Variants in BLK observed in about 807,000 individuals in gnomAD.
BLK encodes tyrosine-protein kinase Blk.
A neutral mutation model predicts 61.8 loss-of-function variants in BLK; 64 were observed. The observed-to-expected ratio is 1.03, with a 90% CI of 0.85 to 1.27. The LOEUF (loss-of-function observed/expected upper bound fraction) is 1.27. Ranked by LOEUF, BLK falls within the 50% of genes most tolerant of loss-of-function variation. The probability of loss-of-function intolerance (pLI) is 0.00; values close to 1 mark genes in which losing one functional copy is unlikely to be tolerated. For synonymous variants in BLK, 351 were observed against 272.0 expected (o/e 1.29, Z -2.86); for missense variants, 853 against 660.5 (o/e 1.29, Z -3.19).
intron 1 of BLK, among the ~76,000 whole-genome samples, chr8:11,522,361 G>T (rs185409655): frequency 6.6e-6 from 1 of 152,076 alleles, no homozygotes; most frequent in East Asian, 1.9e-4. Flanking sequence ...TTGACAATAC[G>T]AGTTTTGGTG....
chr8:11,549,188 A>AGGCAG, intron 5 of BLK, 66 bp downstream of exon 5: 5 of 1,425,500 alleles, frequency 3.5e-6, no homozygotes, highest in Non-Finnish European at 4.8e-6. Context: ...CTGGGCTGTT[A>AGGCAG]GGCAGGGCAG....
chr8:11,507,957 T>A (rs1356997774), intron 1 of BLK, among the ~76,000 whole-genome samples: 2 of 152,178 alleles, frequency 1.3e-5, no homozygotes, highest in African/African-American at 4.8e-5. Flanking sequence ...GGCCTTCCAG[T>A]GCACCCTTTG....
intron 8 of BLK, chr8:11,556,415 G>A (rs1207345024): frequency 5.4e-6 from 3 of 560,650 alleles, no homozygotes; most frequent in African/African-American, 1.9e-5. Context: ...GGCCCAGGGT[G>A]TGGGGCAAAT....
intron 2 of BLK, chr8:11,545,846 A>T (rs1800609051): frequency 4.6e-6 from 3 of 654,626 alleles, no homozygotes; most frequent in Non-Finnish European, 8.3e-6. Flanking sequence ...GGTCAGGGCA[A>T]AGGCAGCAGA....
intron 1 of BLK, among the ~76,000 whole-genome samples, chr8:11,515,310 T>C (rs1799181348): frequency 6.6e-6 from 1 of 152,034 alleles, no homozygotes; most frequent in Admixed American, 6.6e-5. Context: ...CCTCCGTCAG[T>C]CTTCATTTCT....
At chr8:11,551,934 AC>A (rs1010510591) in intron 6 of BLK, among the ~76,000 whole-genome samples, 2 of 152,168 alleles carry the variant, frequency 1.3e-5, no homozygotes, top group Non-Finnish European at 2.9e-5. Context: ...AGCTAGGGTG[AC>A]CCAGGGGCTT....
intron 10 of BLK, chr8:11,559,651 G>C (rs1801395556): frequency 2.3e-6 from 1 of 427,142 alleles, no homozygotes; most frequent in Non-Finnish European, 4.7e-6. Context: ...GGCCAGATCT[G>C]GCCAACCCCA....
chr8:11,511,203 A>C (rs559019716), intron 1 of BLK, among the ~76,000 whole-genome samples: 1 of 152,204 alleles, frequency 6.6e-6, no homozygotes, highest in Admixed American at 6.5e-5. Context: ...AGCTCATTGA[A>C]TTCCTGAATA....
chr8:11,538,010 G>C (rs755072594), intron 1 of BLK, among the ~76,000 whole-genome samples: 7 of 152,040 alleles, frequency 4.6e-5, no homozygotes, highest in Admixed American at 6.6e-5. Flanking sequence ...CCCCCGACTA[G>C]ACACACATGC....
chr8:11,534,848 G>A (rs1200981788), intron 1 of BLK, among the ~76,000 whole-genome samples: 1 of 152,176 alleles, frequency 6.6e-6, no homozygotes, highest in African/African-American at 2.4e-5. Flanking sequence ...TGCTAGTGCT[G>A]GGAAAAGATT....
At chr8:11,557,828 G>C in intron 9 of BLK, 134 bp from the exon 10 acceptor site, 2 of 738,920 alleles carry the variant, frequency 2.7e-6, no homozygotes, top group Non-Finnish European at 4.8e-6. Flanking sequence ...GATCCTTCCT[G>C]ATGCACCGAG....
chr8:11,528,247 G>A (rs1436756836), intron 1 of BLK, among the ~76,000 whole-genome samples: 1 of 152,130 alleles, frequency 6.6e-6, no homozygotes, highest in Non-Finnish European at 1.5e-5. Context: ...GTGTTGTCCA[G>A]GCTGGTCTAG....
At chr8:11,517,699 C>G (rs921200923) in intron 1 of BLK, among the ~76,000 whole-genome samples, 1 of 152,136 alleles carries the variant, frequency 6.6e-6, no homozygotes, top group Non-Finnish European at 1.5e-5. Context: ...CTTCAGCTCC[C>G]GAAGACCCTC....
In BLK at chr8:11,561,656, C is replaced by T. The variant is rs138300324; in HGVS notation, c.1180+204C>T. On this transcript the variant is annotated intron_variant, in intron 11 of 12. Coordinates refer to ENST00000259089, the MANE Select transcript of BLK (RefSeq NM_001715.3). ...TGCCCTGAGACCTCCCATGGAGGAA[C>T]AGCTTTAGGATAAGGTAGGTTTGGA... Among the ~76,000 whole-genome samples the T allele has an allele frequency of 1.2e-4, 19 of 152,216 alleles. No homozygotes were observed. In the East Asian group the frequency reaches 3.5e-3, roughly 28 times the overall value.
Position 11,564,016 on chromosome 8 carries a change from C to A in BLK, c.1426C>A (p.Arg476=), listed in dbSNP as rs370925527. Residue 476 remains arginine, a synonymous_variant, in exon 13 of 13, where the codon CGG becomes AGG. Coordinates refer to ENST00000259089, the MANE Select transcript of BLK (RefSeq NM_001715.3). The part of the protein sequence containing the change: ...RGVIAECWRS[R]PEERPTFEFL... ...CGTCATCGCCGAGTGCTGGCGCAGCCGGCCCGAGGAGCGGCCCACCTTCGA... is the reference window on the plus strand; with the variant it reads ...CGTCATCGCCGAGTGCTGGCGCAGCAGGCCCGAGGAGCGGCCCACCTTCGA... 55 of 1,604,988 alleles carry A rather than the reference C, an allele frequency of 3.4e-5. No homozygotes were observed. The highest frequency in any genetic ancestry group is 4.6e-5 in the Non-Finnish European group (54 of 1,179,030).
chr8:11,508,346 G>T (rs1439157000), intron 1 of BLK, among the ~76,000 whole-genome samples: 1 of 152,210 alleles, frequency 6.6e-6, no homozygotes, highest in Non-Finnish European at 1.5e-5. Flanking sequence ...GTGCTCACAT[G>T]GGGCGCGTGC....
At chr8:11,528,742 C>T (rs1399292423) in intron 1 of BLK, among the ~76,000 whole-genome samples, 1 of 151,970 alleles carries the variant, frequency 6.6e-6, no homozygotes, top group African/African-American at 2.4e-5. Context: ...AGATTTAGTA[C>T]AGCATTTAAG....
chr8:11,563,836 G>GTGA lies in BLK; in HGVS notation c.1313-67_1313-66insTGA, dbSNP rs530449518. 2,481 of 1,477,158 alleles carry GTGA rather than the reference G, an allele frequency of 1.7e-3. 37 individuals carry two copies. The South Asian group carries it at 0.02, about 12-fold the overall frequency. 91.5% of individuals were successfully genotyped at this position (1,477,158 alleles called of 1,614,324 possible). ...CTGGGCCCACTGTGCCCCGCGGGAC[G>GTGA]CTCAGGGCCCCCCACCCACCGAGGA... On this transcript the variant is annotated intron_variant, in intron 12 of 12. Transcript: ENST00000259089.
chr8:11,522,587 C>T (rs868481070), intron 1 of BLK, among the ~76,000 whole-genome samples: 1 of 151,854 alleles, frequency 6.6e-6, no homozygotes, highest in Non-Finnish European at 1.5e-5. Context: ...GGTTGCCCAT[C>T]CCAATGCATT....
Sources: allele counts gnomAD v4.1 joint callset (sites outside exome capture counted in the v4.1 genomes callset), GRCh38; gene constraint gnomAD v4.1.1; transcripts MANE v1.5; gene names NCBI Gene and HGNC (gene_info 2026-07-23, HGNC 2026-07-21).